GDA: variants seen among roughly 807,000 people sequenced by gnomAD.
The protein encoded by GDA is cytoplasmic PSD-95 interactor.
A neutral mutation model predicts 59.6 loss-of-function variants in GDA; 18 were observed. That is an observed-to-expected ratio of 0.30 (90% CI 0.21 to 0.45). The LOEUF (loss-of-function observed/expected upper bound fraction) is 0.45. GDA is among the 20% of genes least tolerant of loss of function. The pLI is 1.00. For missense variants in GDA, 427 were observed against 552.3 expected, an observed-to-expected ratio of 0.77 and a Z score of 2.27; for synonymous variants, 201 against 201.1, an observed-to-expected ratio of 1.00 and a Z score of 0.00.
Position 72,248,494 on chromosome 9 carries a change from G to T in GDA, c.*152G>T. 6.9e-7 allele frequency: 1 copy of T among 1,440,322 alleles called. No individual in the cohort carries two copies. Among genetic ancestry groups the T allele is most frequent in the Non-Finnish European group, 9.1e-7 (1 of 1,095,078 alleles). The allele number at this position is 1,440,322 out of a possible 1,614,324, so 89.2% of individuals were successfully genotyped here. ...AGTTACAGTATTCACTTGACAAATA[G>T]TTCGAAGGAAGTTGCACTAATTCTC... On this transcript the variant is annotated 3_prime_UTR_variant, in exon 14 of 14. Coordinates refer to ENST00000358399, the MANE Select transcript of GDA (RefSeq NM_004293.5).
intron 12 of GDA, among the ~76,000 whole-genome samples, chr9:72,245,656 T>C (rs919684481): frequency 3.9e-5 from 6 of 152,144 alleles, no homozygotes; most frequent in Admixed American, 2.6e-4. Context: ...GCCATGTTAA[T>C]TTATAGGGGC....
intron 10 of GDA, among the ~76,000 whole-genome samples, chr9:72,234,903 G>T (rs1421612387): frequency 6.6e-6 from 1 of 152,162 alleles, no homozygotes; most frequent in Non-Finnish European, 1.5e-5. Flanking sequence ...TGTTAGCCAA[G>T]AATAATATAT....
intron 1 of GDA, among the ~76,000 whole-genome samples, chr9:72,158,889 A>T (rs1345213694): frequency 6.6e-6 from 1 of 152,036 alleles, no homozygotes; most frequent in Non-Finnish European, 1.5e-5. Flanking sequence ...CATCATCATC[A>T]TCATCATCAT....
At chr9:72,139,284 T>C (rs948554798) in intron 1 of GDA, among the ~76,000 whole-genome samples, 37 of 150,108 alleles carry the variant, frequency 2.5e-4, no homozygotes, top group Non-Finnish European at 4.4e-4. Flanking sequence ...ACATTAATGA[T>C]AAAATTGACA....
At chr9:72,181,180 G>C (rs1189963243) in intron 1 of GDA, among the ~76,000 whole-genome samples, 1 of 152,094 alleles carries the variant, frequency 6.6e-6, no homozygotes, top group Non-Finnish European at 1.5e-5. Context: ...GGTAAAGAAA[G>C]TACAGTTCTA....
intron 1 of GDA, among the ~76,000 whole-genome samples, chr9:72,181,662 C>CA (rs1831238962): frequency 6.6e-6 from 1 of 151,880 alleles, no homozygotes; most frequent in African/African-American, 2.4e-5. Context: ...TTCTTTTAGT[C>CA]AGAGTCTTGC....
At chr9:72,156,004 G>A (rs928794409) in intron 1 of GDA, among the ~76,000 whole-genome samples, 10 of 152,184 alleles carry the variant, frequency 6.6e-5, no homozygotes, top group African/African-American at 2.4e-4. Context: ...ATGTCCATTA[G>A]ACTTCAGCGG....
rs1834159250 is a variant in GDA, at chr9:72,202,743, G to A, written c.384+1G>A. ...AGAAGAAGTATATACCAGAGTTGTCGTAAGTATCTTGTGTGTGAGTGTGGT... is the reference window on the plus strand; with the variant it reads ...AGAAGAAGTATATACCAGAGTTGTCATAAGTATCTTGTGTGTGAGTGTGGT... On this transcript the variant is annotated splice_donor_variant, in intron 3 of 13. Coordinates refer to ENST00000358399, the MANE Select transcript of GDA (RefSeq NM_004293.5). LOFTEE classifies it high-confidence loss of function. 1 of 1,605,774 alleles carries A rather than the reference G, an allele frequency of 6.2e-7. No homozygotes were observed. Among genetic ancestry groups the A allele is most frequent in the Non-Finnish European group, 8.5e-7 (1 of 1,174,288 alleles).
At chr9:72,147,383 T>G (rs1023248168), upstream of GDA, among the ~76,000 whole-genome samples, 3 of 152,154 alleles carry the variant, frequency 2.0e-5, no homozygotes, top group African/African-American at 7.2e-5. Flanking sequence ...AATTTTTGTA[T>G]TTTTAGTAGA....
chr9:72,155,518 C>T (rs941378884), intron 1 of GDA, among the ~76,000 whole-genome samples: 10 of 152,194 alleles, frequency 6.6e-5, no homozygotes, highest in African/African-American at 2.4e-4. Flanking sequence ...GTGCAAAGGT[C>T]CTGGGGTAGG....
At chr9:72,168,649 T>C (rs925374915) in intron 1 of GDA, among the ~76,000 whole-genome samples, 1 of 152,146 alleles carries the variant, frequency 6.6e-6, no homozygotes, top group African/African-American at 2.4e-5. Flanking sequence ...CACCTTGGCC[T>C]CCCAAAGTGC....
At chr9:72,239,967 T>C (rs1226337750) in intron 10 of GDA, among the ~76,000 whole-genome samples, 1 of 152,194 alleles carries the variant, frequency 6.6e-6, no homozygotes, top group African/African-American at 2.4e-5. Flanking sequence ...TATGTCTACC[T>C]AGAAATGACA....
chr9:72,181,530 G>A (rs995354444), intron 1 of GDA, among the ~76,000 whole-genome samples: 2 of 152,172 alleles, frequency 1.3e-5, no homozygotes, highest in Non-Finnish European at 2.9e-5. Context: ...TCACCATCTT[G>A]GCCAGGCTTG....
chr9:72,200,212 G>A (rs71485510), intron 2 of GDA, among the ~76,000 whole-genome samples: 2,834 of 152,026 alleles, frequency 0.019, 46 homozygotes, highest in Non-Finnish European at 0.028. Flanking sequence ...TAGCCAGGAT[G>A]GTCTCGATCT....
intron 1 of GDA, among the ~76,000 whole-genome samples, chr9:72,143,431 A>G (rs1826515080): frequency 6.6e-6 from 1 of 152,076 alleles, no homozygotes; most frequent in Non-Finnish European, 1.5e-5. Context: ...ACCCGGCCCA[A>G]GAATATTTGC....
chr9:72,230,443 A>G (rs1838187602), intron 9 of GDA, among the ~76,000 whole-genome samples: 2 of 151,192 alleles, frequency 1.3e-5, no homozygotes, highest in Admixed American at 1.3e-4. Flanking sequence ...GTGAGCTGAG[A>G]TTGTGCCATT....
At chr9:72,168,517 C>T (rs865799687) in intron 1 of GDA, among the ~76,000 whole-genome samples, 11 of 151,112 alleles carry the variant, frequency 7.3e-5, no homozygotes, top group Admixed American at 3.3e-4. Context: ...GTCTCAACCA[C>T]CCAAGTAGCT....
In GDA at chr9:72,190,614, G is replaced by A. The variant is rs932842270; in HGVS notation, c.124-4886G>A. Among the ~76,000 whole-genome samples the A allele has an allele frequency of 5.3e-5, 8 of 152,158 alleles. No homozygotes were observed. In the East Asian group the frequency reaches 7.7e-4, roughly 15 times the overall value. ...AAAGTTATCGCTCATTTTAGACTAC[G>A]GTGCTCCTAACCCCTGCATTATTCA... On this transcript the variant is annotated intron_variant, in intron 1 of 13. Coordinates refer to ENST00000358399, the MANE Select transcript of GDA (RefSeq NM_004293.5).
chr9:72,242,841 T>C (rs1292631380), intron 11 of GDA, among the ~76,000 whole-genome samples: 2 of 152,206 alleles, frequency 1.3e-5, no homozygotes, highest in Non-Finnish European at 2.9e-5. Flanking sequence ...CTACCATCTA[T>C]GTTTGTGGTA....
Sources: allele counts gnomAD v4.1 joint callset (sites outside exome capture counted in the v4.1 genomes callset), GRCh38; gene constraint gnomAD v4.1.1; transcripts MANE v1.5; gene names NCBI Gene and HGNC (gene_info 2026-07-23, HGNC 2026-07-21).